The following WWC2 variants were observed in gnomAD, a reference collection of about 807,000 sequenced individuals.
WWC2 encodes the protein protein WWC2.
A neutral mutation model predicts 138.5 loss-of-function variants in WWC2; 101 were observed. The ratio of observed to expected loss-of-function variants is 0.73; its 90% confidence interval spans 0.62 to 0.86. The LOEUF is 0.86. WWC2 is among the 40% of genes least tolerant of loss of function. The pLI, the probability that WWC2 is intolerant of heterozygous loss-of-function variation, is 0.00. For missense variants in WWC2, 1,420 were observed against 1,419.4 expected (o/e 1.00, Z -0.01); for synonymous variants, 558 against 538.4 (o/e 1.04, Z -0.50).
At chr4:183,149,785 G>A (rs1031876572) in intron 1 of WWC2, among the ~76,000 whole-genome samples, 57 of 150,624 alleles carry the variant, frequency 3.8e-4, no homozygotes, top group African/African-American at 9.8e-4. Flanking sequence ...TGAACATTTC[G>A]AAAGCACACA....
chr4:183,271,811 A>G (rs1204372270), intron 16 of WWC2, among the ~76,000 whole-genome samples: 1 of 152,126 alleles, frequency 6.6e-6, no homozygotes, highest in Non-Finnish European at 1.5e-5. Context: ...CAAGACCAGC[A>G]TGGGCAACAT....
chr4:183,247,714 A>ATATATAC (rs542345426), intron 6 of WWC2, among the ~76,000 whole-genome samples: 4,710 of 139,534 alleles, frequency 0.034, 319 homozygotes, highest in African/African-American at 0.12. Flanking sequence ...TATATGTACT[A>ATATATAC]TATATACTAT....
At chr4:183,165,132 A>G (rs566611449) in intron 1 of WWC2, among the ~76,000 whole-genome samples, 47 of 152,246 alleles carry the variant, frequency 3.1e-4, no homozygotes, top group Non-Finnish European at 5.4e-4. Context: ...TGGGAATTCA[A>G]ATCATGGTTG....
At chr4:183,214,782 CA>C (rs879308410) in intron 4 of WWC2, among the ~76,000 whole-genome samples, 109 of 134,248 alleles carry the variant, frequency 8.1e-4, no homozygotes, top group Non-Finnish European at 7.3e-4. Flanking sequence ...AACTCCGTCT[CA>C]AAAAAAAAAA....
chr4:183,186,344 C>T (rs182876042), intron 1 of WWC2, among the ~76,000 whole-genome samples: 45 of 152,252 alleles, frequency 3.0e-4, no homozygotes, highest in Non-Finnish European at 7.3e-5. Context: ...GCAAATCACC[C>T]ACAAATACTG....
Position 183,265,689 on chromosome 4 carries a change from C to T in WWC2, c.2041C>T (p.Pro681Ser). 6.2e-7 allele frequency: 1 copy of T among 1,609,226 alleles called. No individual in the cohort carries two copies. The highest frequency in any genetic ancestry group is 8.5e-7 in the Non-Finnish European group (1 of 1,177,774). ...SGVYEAFVKQ[P>S]SEMEDVTYSE... Reference sequence around the variant, plus strand: ...TTCATCTACTCCCTGTCCATATAGACCTAGTGAAATGGAAGATGTCACATA... The same window carrying T: ...TTCATCTACTCCCTGTCCATATAGATCTAGTGAAATGGAAGATGTCACATA... Residue 681 changes from proline (P) to serine (S), a missense_variant and splice_region_variant, in exon 13 of 23, where the codon CCT becomes TCT. Transcript: ENST00000403733.
chr4:183,219,464 A>T (rs1451919742), intron 4 of WWC2, among the ~76,000 whole-genome samples: 1 of 152,226 alleles, frequency 6.6e-6, no homozygotes. Context: ...TTTGGATCTA[A>T]ATAAAATAAT....
intron 1 of WWC2, among the ~76,000 whole-genome samples, chr4:183,174,819 C>G (rs564299123): frequency 6.6e-6 from 1 of 152,174 alleles, no homozygotes; most frequent in South Asian, 2.1e-4. Context: ...CTGTCTCTCT[C>G]TCTTTTGCGC....
chr4:183,320,296 T>A lies in WWC2; in HGVS notation c.*4567T>A. ...GAAAAGAAGTGTGACACTTGTGTTA[T>A]AACTTATGAAACTCAGAAATATTTC... On this transcript the variant is annotated 3_prime_UTR_variant, in exon 23 of 23. Transcript: ENST00000403733. The A allele has an allele frequency of 7.6e-7, 1 of 1,309,210 alleles. No individual in the cohort carries two copies. The highest frequency in any genetic ancestry group is 1.1e-6 in the Non-Finnish European group (1 of 940,996). The allele number at this position is 1,309,210 out of a possible 1,614,324, so 81.1% of individuals were successfully genotyped here.
rs1416334558 is a variant in WWC2, at chr4:183,250,350, G to T, written c.953+357G>T. On this transcript the variant is annotated intron_variant, in intron 8 of 22. Coordinates refer to ENST00000403733, the MANE Select transcript of WWC2 (RefSeq NM_024949.6). ...AATATGATACAGTGGTTCAGGTATA[G>T]GACTAAATAGCTGTTGAGGAGTTCT... Among the ~76,000 whole-genome samples the T allele has an allele frequency of 2.6e-5, 4 of 152,166 alleles. No individual in the cohort carries two copies. The East Asian group carries it at 7.7e-4, about 29-fold the overall frequency.
At chr4:183,108,383 C>A (rs1561417641) in intron 1 of WWC2, among the ~76,000 whole-genome samples, 2 of 151,986 alleles carry the variant, frequency 1.3e-5, no homozygotes, top group Admixed American at 1.3e-4. Context: ...AGAAAAACAC[C>A]TACTGGATCC....
intron 1 of WWC2, among the ~76,000 whole-genome samples, chr4:183,124,906 A>G (rs966380589): frequency 3.3e-5 from 5 of 152,148 alleles, no homozygotes; most frequent in Non-Finnish European, 7.3e-5. Context: ...AATCTATGGT[A>G]GCTCAGACTC....
Position 183,312,454 on chromosome 4 carries a change from G to T in WWC2, c.3498G>T (p.Gln1166His), listed in dbSNP as rs760166034. The T allele has an allele frequency of 6.2e-7, 1 of 1,613,762 alleles. No homozygotes were observed. Among genetic ancestry groups the T allele is most frequent in the Non-Finnish European group, 8.5e-7 (1 of 1,179,744 alleles). The change falls in exon 22 of 23, where the codon CAG (glutamine) becomes CAT (histidine). Residue 1166 changes from glutamine to histidine, a missense_variant. By Grantham distance (24) the Gln-to-His change is conservative. Coordinates refer to ENST00000403733, the MANE Select transcript of WWC2 (RefSeq NM_024949.6). ...LREQSQKVPR[Q>H]VQSFREKIAY... The stretch of plus-strand genomic sequence containing the variant: ...AGCAGAGCCAGAAGGTGCCTCGGCA[G>T]GTGCAGTCCTTCAGGTGAATAGCCC...
intron 1 of WWC2, among the ~76,000 whole-genome samples, chr4:183,112,442 A>G (rs1732264362): frequency 6.6e-6 from 1 of 152,206 alleles, no homozygotes; most frequent in Non-Finnish European, 1.5e-5. Context: ...TAGAAATGAA[A>G]TGTATGCATT....
intron 6 of WWC2, among the ~76,000 whole-genome samples, chr4:183,247,754 A>AAT (rs993367221): frequency 1.0e-4 from 14 of 140,560 alleles, no homozygotes; most frequent in South Asian, 8.6e-4. Context: ...TATACTACAT[A>AAT]ATATATATAT....
At chr4:183,157,779 A>G (rs371894308) in intron 1 of WWC2, among the ~76,000 whole-genome samples, 31 of 149,966 alleles carry the variant, frequency 2.1e-4, no homozygotes, top group African/African-American at 7.6e-4. Context: ...GGAATTACAG[A>G]CGTGAGCCAC....
chr4:183,236,752 T>C (rs1211894830), intron 4 of WWC2, among the ~76,000 whole-genome samples: 1 of 152,180 alleles, frequency 6.6e-6, no homozygotes, highest in Non-Finnish European at 1.5e-5. Flanking sequence ...TTCTGGGTCT[T>C]TTTTGGTTCT....
intron 1 of WWC2, among the ~76,000 whole-genome samples, chr4:183,118,914 C>A (rs975011993): frequency 4.0e-5 from 6 of 151,420 alleles, no homozygotes; most frequent in Non-Finnish European, 7.4e-5. Context: ...TGAAATATCT[C>A]AACTTTTTTT....
intron 1 of WWC2, among the ~76,000 whole-genome samples, chr4:183,188,015 T>G (rs1734865524): frequency 6.6e-6 from 1 of 152,228 alleles, no homozygotes; most frequent in African/African-American, 2.4e-5. Flanking sequence ...AAAATTAGTT[T>G]CTTTCCTTTC....
Sources: allele counts gnomAD v4.1 joint callset (sites outside exome capture counted in the v4.1 genomes callset), GRCh38; gene constraint gnomAD v4.1.1; transcripts MANE v1.5; gene names NCBI Gene and HGNC (gene_info 2026-07-23, HGNC 2026-07-21).